VTI1A: variants seen among roughly 807,000 people sequenced by gnomAD.
VTI1A encodes vesicle transport through interaction with t-SNAREs 1A.
VTI1A carries 22 observed loss-of-function variants against 34.9 expected under a neutral mutation model. The ratio of observed to expected loss-of-function variants is 0.63; its 90% CI spans 0.45 to 0.90. VTI1A has a LOEUF of 0.90. Ranked by LOEUF, VTI1A falls within the 40% of genes least tolerant of loss-of-function variation. The pLI is 0.00. For synonymous variants in VTI1A, 87 were observed against 97.3 expected (o/e 0.89, Z 0.62); for missense variants, 268 against 275.6 (o/e 0.97, Z 0.20).
At chr10:112,549,251 A>G (rs1851254588) in intron 5 of VTI1A, among the ~76,000 whole-genome samples, 1 of 150,416 alleles carries the variant, frequency 6.6e-6, no homozygotes, top group Non-Finnish European at 1.5e-5. Flanking sequence ...ATAAGATTAT[A>G]TGGAAGAAAG....
intron 7 of VTI1A, among the ~76,000 whole-genome samples, chr10:112,682,204 A>G (rs1590064208): frequency 6.6e-6 from 1 of 152,310 alleles, no homozygotes; most frequent in South Asian, 2.1e-4. Context: ...ATGGATCTGG[A>G]AGAGATAAAA....
chr10:112,659,260 T>C (rs979667750), intron 5 of VTI1A, among the ~76,000 whole-genome samples: 1 of 152,208 alleles, frequency 6.6e-6, no homozygotes, highest in African/African-American at 2.4e-5. Flanking sequence ...GTTTTGCCCA[T>C]TCAGGTTTTC....
At chr10:112,635,216 G>A (rs1033200451) in intron 5 of VTI1A, among the ~76,000 whole-genome samples, 1 of 152,210 alleles carries the variant, frequency 6.6e-6, no homozygotes, top group Admixed American at 6.5e-5. Context: ...AGAGGATAAT[G>A]CAGGCATGTA....
chr10:112,734,347 TG>T (rs1850379883), intron 7 of VTI1A, among the ~76,000 whole-genome samples: 1 of 152,184 alleles, frequency 6.6e-6, no homozygotes, highest in African/African-American at 2.4e-5. Context: ...TGCATCCCTT[TG>T]TGTGTCCTGT....
chr10:112,482,983 C>T (rs529769924), intron 3 of VTI1A, among the ~76,000 whole-genome samples: 13 of 152,054 alleles, frequency 8.5e-5, no homozygotes, highest in Middle Eastern at 3.4e-3. Flanking sequence ...GAGGCACAGA[C>T]AGCAGGGGAA....
chr10:112,596,421 G>A (rs999515951), intron 5 of VTI1A, among the ~76,000 whole-genome samples: 2 of 152,026 alleles, frequency 1.3e-5, no homozygotes, highest in African/African-American at 4.8e-5. Context: ...TATCCCATGA[G>A]TATACCATAA....
the VTI1A span, among the ~76,000 whole-genome samples, chr10:112,834,861 C>T: frequency 6.6e-6 from 1 of 152,164 alleles, no homozygotes; most frequent in Non-Finnish European, 1.5e-5. Flanking sequence ...CTTCAGGGGC[C>T]TTCAGCGGGC....
chr10:112,810,129 A>C (rs192088395), intron 7 of VTI1A, among the ~76,000 whole-genome samples: 3 of 152,146 alleles, frequency 2.0e-5, no homozygotes, highest in Non-Finnish European at 2.9e-5. Context: ...TCGGCCTGGC[A>C]TGGTGGCTCA....
intron 5 of VTI1A, among the ~76,000 whole-genome samples, chr10:112,639,316 G>A (rs1846477119): frequency 6.6e-6 from 1 of 152,156 alleles, no homozygotes; most frequent in Non-Finnish European, 1.5e-5. Context: ...TAAATACTGA[G>A]CTTTTAGACG....
chr10:112,822,000 G>A (rs577906342), downstream of VTI1A, among the ~76,000 whole-genome samples: 26 of 152,312 alleles, frequency 1.7e-4, no homozygotes, highest in African/African-American at 5.5e-4. Context: ...TGGAACACTG[G>A]AAAAATGCAG....
At chr10:112,518,575 CTCTCTCT>C (rs1849876062) in intron 3 of VTI1A, among the ~76,000 whole-genome samples, 1 of 113,514 alleles carries the variant, frequency 8.8e-6, no homozygotes, top group South Asian at 2.7e-4. Flanking sequence ...CTCTCTCTCT[CTCTCTCT>C]CTCTCTCTAT....
intron 3 of VTI1A, among the ~76,000 whole-genome samples, chr10:112,505,125 A>T (rs1849382254): frequency 6.6e-6 from 1 of 151,954 alleles, no homozygotes; most frequent in Non-Finnish European, 1.5e-5. Context: ...GTTGCCGAAC[A>T]TTTTTGTTTT....
At chr10:112,618,524 T>TATAGAGAG (rs748276058) in intron 5 of VTI1A, among the ~76,000 whole-genome samples, 65 of 34,572 alleles carry the variant, frequency 1.9e-3, no homozygotes, top group East Asian at 5.7e-3. Context: ...TATATATATA[T>TATAGAGAG]AGAGAGAGAG....
At chr10:112,604,824 G>A (rs375645358) in intron 5 of VTI1A, among the ~76,000 whole-genome samples, 25 of 152,074 alleles carry the variant, frequency 1.6e-4, no homozygotes, top group African/African-American at 5.8e-4. Context: ...GGTGTACAGC[G>A]GTGATCACTG....
At chr10:112,523,312 A>C (rs375058574) in intron 3 of VTI1A, among the ~76,000 whole-genome samples, 2 of 152,100 alleles carry the variant, frequency 1.3e-5, no homozygotes, top group East Asian at 3.9e-4. Flanking sequence ...AAAAATCGAA[A>C]ATCGCCTTGA....
chr10:112,832,503 A>G, the VTI1A span: 5 of 152,320 alleles, frequency 3.3e-5, no homozygotes, highest in Non-Finnish European at 7.3e-5. Context: ...GCTGCCCAGC[A>G]GCGCATCCAC....
downstream of VTI1A, among the ~76,000 whole-genome samples, chr10:112,820,053 G>A (rs535957271): frequency 6.6e-6 from 1 of 152,336 alleles, no homozygotes; most frequent in East Asian, 1.9e-4. Context: ...AGGAGCCACG[G>A]CGTGGGAGGT....
intron 3 of VTI1A, among the ~76,000 whole-genome samples, chr10:112,522,226 C>A (rs932769683): frequency 7.2e-5 from 11 of 151,946 alleles, no homozygotes; most frequent in African/African-American, 2.7e-4. Flanking sequence ...AGATGTATCA[C>A]CTGGTAACCT....
chr10:112,631,791 A>G (rs766011145), intron 5 of VTI1A, among the ~76,000 whole-genome samples: 9 of 152,170 alleles, frequency 5.9e-5, no homozygotes, highest in Non-Finnish European at 7.4e-5. Context: ...AGTGTGAGGA[A>G]CAGTGCATAC....
Sources: gnomAD v4.1 joint callset for allele counts (sites outside exome capture counted in the v4.1 genomes callset) on GRCh38, gnomAD v4.1.1 for gene constraint, MANE v1.5 for transcripts, NCBI Gene and HGNC (gene_info 2026-07-23, HGNC 2026-07-21) for gene names.